ASTN2: variants seen among roughly 807,000 people sequenced by gnomAD.
ASTN2 encodes astrotactin 2.
ASTN2 carries 54 observed loss-of-function variants against 139.8 expected under a neutral mutation model. The observed-to-expected ratio is 0.39, with a 90% CI of 0.31 to 0.48. The LOEUF (loss-of-function observed/expected upper bound fraction) is 0.48. Among genes scored for constraint, ASTN2 ranks in the 20% least tolerant of loss-of-function variants. ASTN2 has a pLI of 0.95. For missense variants in ASTN2, 1,565 were observed against 1,725.1 expected (o/e 0.91, Z 1.64); for synonymous variants, 756 against 719.5 (o/e 1.05, Z -0.81).
intron 2 of ASTN2, among the ~76,000 whole-genome samples, chr9:117,235,688 C>T (rs1484187206): frequency 6.6e-6 from 1 of 152,106 alleles, no homozygotes; most frequent in Non-Finnish European, 1.5e-5. Context: ...CAAGTGGGTA[C>T]TTGTCTTGTA....
At chr9:116,469,803 T>G (rs1848757807) in intron 20 of ASTN2, among the ~76,000 whole-genome samples, 1 of 152,218 alleles carries the variant, frequency 6.6e-6, no homozygotes, top group African/African-American at 2.4e-5. Flanking sequence ...CAGGGAACGT[T>G]AATACACACA....
In ASTN2 at chr9:116,870,678, C is replaced by T. The variant is rs115836334; in HGVS notation, c.1890-6945G>A. On this transcript the variant is annotated intron_variant, in intron 10 of 22. Coordinates refer to ENST00000313400, the MANE Select transcript of ASTN2 (RefSeq NM_001365068.1). ...GACAGCCATCCCCTAATTACCTGAC[C>T]GGTAAAGTACAAATGCGTCACCTGG... is the stretch of plus-strand genomic sequence containing the variant. Among the ~76,000 whole-genome samples, 1,187 of 152,276 alleles carry T rather than the reference C, an allele frequency of 7.8e-3. 14 individuals are homozygous for T. The highest frequency in any genetic ancestry group is 0.028 in the African/African-American group (1,145 of 41,548).
intron 19 of ASTN2, among the ~76,000 whole-genome samples, chr9:116,497,912 C>T (rs1849720342): frequency 6.6e-6 from 1 of 152,184 alleles, no homozygotes; most frequent in Non-Finnish European, 1.5e-5. Context: ...GTACGATGTG[C>T]TTCCTATCAG....
intron 19 of ASTN2, among the ~76,000 whole-genome samples, chr9:116,545,214 T>TA (rs2119372560): frequency 6.6e-6 from 1 of 152,110 alleles, no homozygotes; most frequent in East Asian, 1.9e-4. Context: ...CTCAAGAAAA[T>TA]AGAGTTTGAG....
intron 16 of ASTN2, among the ~76,000 whole-genome samples, chr9:116,653,161 T>C (rs570676085): frequency 1.3e-5 from 2 of 152,022 alleles, no homozygotes; most frequent in Non-Finnish European, 2.9e-5. Flanking sequence ...GTGCGACGGA[T>C]GTATTTGATA....
At chr9:116,887,938 G>T (rs1833659784) in intron 10 of ASTN2, among the ~76,000 whole-genome samples, 1 of 152,146 alleles carries the variant, frequency 6.6e-6, no homozygotes, top group Non-Finnish European at 1.5e-5. Context: ...AAAATGCTGG[G>T]ATAACAGGCG....
At chr9:117,381,496 G>A (rs570757463) in intron 1 of ASTN2, among the ~76,000 whole-genome samples, 5 of 152,178 alleles carry the variant, frequency 3.3e-5, no homozygotes, top group East Asian at 1.9e-4. Flanking sequence ...AGATAGTGAC[G>A]GAGTTCTTGT....
At chr9:117,093,802 A>G (rs1309608801) in intron 5 of ASTN2, among the ~76,000 whole-genome samples, 1 of 152,156 alleles carries the variant, frequency 6.6e-6, no homozygotes, top group Non-Finnish European at 1.5e-5. Context: ...CAACAACCTA[A>G]CAACATCAAA....
intron 15 of ASTN2, among the ~76,000 whole-genome samples, chr9:116,726,265 T>C (rs1168046977): frequency 1.3e-5 from 2 of 152,194 alleles, no homozygotes; most frequent in Non-Finnish European, 1.5e-5. Flanking sequence ...ATCCACTCAC[T>C]GAGCAACCAA....
chr9:117,263,648 G>T (rs1833875537), intron 2 of ASTN2, among the ~76,000 whole-genome samples: 2 of 152,142 alleles, frequency 1.3e-5, no homozygotes, highest in Admixed American at 6.5e-5. Context: ...TCCTCATCAA[G>T]ATCCTCAAAT....
chr9:117,366,962 A>G (rs1020322353), intron 1 of ASTN2, among the ~76,000 whole-genome samples: 1 of 152,002 alleles, frequency 6.6e-6, no homozygotes, highest in African/African-American at 2.4e-5. Flanking sequence ...TTTAGTAGAG[A>G]CAGGGTTTCA....
chr9:116,482,891 T>A (rs1849219916), intron 20 of ASTN2, among the ~76,000 whole-genome samples: 1 of 152,078 alleles, frequency 6.6e-6, no homozygotes, highest in Non-Finnish European at 1.5e-5. Context: ...TGGGAATGCA[T>A]CCCCCACCCC....
intron 10 of ASTN2, among the ~76,000 whole-genome samples, chr9:116,884,653 C>T (rs1833543038): frequency 6.6e-6 from 1 of 152,006 alleles, no homozygotes; most frequent in South Asian, 2.1e-4. Context: ...GCCTGGGTGA[C>T]AGAGCAAAAC....
chr9:117,202,156 T>A (rs1425079012), intron 3 of ASTN2, among the ~76,000 whole-genome samples: 1 of 152,222 alleles, frequency 6.6e-6, no homozygotes, highest in African/African-American at 2.4e-5. Flanking sequence ...AGAGTAGGAT[T>A]GCAATCCCTG....
intron 7 of ASTN2, among the ~76,000 whole-genome samples, chr9:116,981,349 A>T (rs1171119588): frequency 2.6e-5 from 4 of 152,062 alleles, no homozygotes; most frequent in African/African-American, 9.7e-5. Context: ...AATAATGATG[A>T]CTCTGCTGAG....
chr9:116,746,225 T>A (rs914780969), intron 13 of ASTN2, among the ~76,000 whole-genome samples: 9 of 151,994 alleles, frequency 5.9e-5, no homozygotes, highest in Non-Finnish European at 8.8e-5. Context: ...TAGCTGGGAT[T>A]ACAGGCATGC....
At chr9:117,147,457 ACACACACC>A (rs1297761981) in intron 3 of ASTN2, among the ~76,000 whole-genome samples, 3 of 151,030 alleles carry the variant, frequency 2.0e-5, no homozygotes, top group South Asian at 2.1e-4. Flanking sequence ...ACACACACAC[ACACACACC>A]CCCGTTATCC....
At chr9:117,040,380 G>C (rs557925459) in intron 5 of ASTN2, among the ~76,000 whole-genome samples, 3 of 152,340 alleles carry the variant, frequency 2.0e-5, no homozygotes, top group African/African-American at 7.2e-5. Flanking sequence ...TTTGGAGTTA[G>C]ATCATTCTGG....
intron 20 of ASTN2, among the ~76,000 whole-genome samples, chr9:116,482,781 T>C (rs1471222553): frequency 6.6e-6 from 1 of 152,202 alleles, no homozygotes. Flanking sequence ...CCACCATGGA[T>C]GTTGGCACTT....
Sources: allele counts gnomAD v4.1 joint callset (sites outside exome capture counted in the v4.1 genomes callset), GRCh38; gene constraint gnomAD v4.1.1; transcripts MANE v1.5; gene names NCBI Gene and HGNC (gene_info 2026-07-23, HGNC 2026-07-21).